Variants in ZFHX4 observed in about 807,000 individuals in gnomAD.
The protein encoded by ZFHX4 is zinc finger homeobox protein 4.
Under a neutral mutation model 267.6 loss-of-function variants are expected in ZFHX4, and 56 were observed. That is an observed-to-expected ratio of 0.21 (90% CI 0.17 to 0.26). The LOEUF (loss-of-function observed/expected upper bound fraction) is 0.26, where lower values mean the gene tolerates loss of function less well. Among genes scored for constraint, ZFHX4 ranks in the 10% least tolerant of loss-of-function variants. ZFHX4 has a pLI of 1.00. For synonymous variants in ZFHX4, 1,778 were observed against 1,665.6 expected (o/e 1.07, Z -1.64); for missense variants, 4,332 against 4,420.0 (o/e 0.98, Z 0.56).
intron 4 of ZFHX4, among the ~76,000 whole-genome samples, chr8:76,816,360 C>G (rs767340541): frequency 1.7e-4 from 26 of 152,144 alleles, no homozygotes; most frequent in Middle Eastern, 3.2e-3. Flanking sequence ...TCTCCCCTCT[C>G]CCACCAAGTT....
rs1238199168 is a variant in ZFHX4, at chr8:76,848,986, G to T, written c.3512-9G>T. On this transcript the variant is annotated splice_polypyrimidine_tract_variant and intron_variant, in intron 6 of 10. Coordinates refer to ENST00000651372, the MANE Select transcript of ZFHX4 (RefSeq NM_024721.5). ...TAAATTGAATTGTTCTATTCTTTTTGGGAATCAGGGATAATCACACCAGAG... is the reference window on the plus strand; with the variant it reads ...TAAATTGAATTGTTCTATTCTTTTTTGGAATCAGGGATAATCACACCAGAG... 6.6e-7 allele frequency: 1 copy of T among 1,504,808 alleles called. No homozygotes were observed. Among genetic ancestry groups the T allele is most frequent in the African/African-American group, 1.4e-5 (1 of 70,218 alleles). The allele number at this position is 1,504,808 out of a possible 1,614,324, so 93.2% of individuals were successfully genotyped here.
Position 76,705,248 on chromosome 8 carries a change from G to T in ZFHX4, c.1160G>T (p.Ser387Ile). ...TTTGCCTTCTTAAAAGGAAGCGCGA[G>T]CACCTCGAGCTCAGCAGAGCAGCCG... is the stretch of plus-strand genomic sequence containing the variant. Reference protein sequence around the residue: ...AGFAFLKGSASTSSSAEQPLG... With the variant: ...AGFAFLKGSAITSSSAEQPLG... The change falls in exon 2 of 11, where the codon AGC (serine) becomes ATC (isoleucine). Residue 387 changes from serine (S) to isoleucine (I), a missense_variant. Ser to Ile is a moderately radical substitution (Grantham distance 142). Transcript: ENST00000651372. 1.9e-6 allele frequency: 3 copies of T among 1,614,010 alleles called. No individual in the cohort carries two copies. The highest frequency in any genetic ancestry group is 2.5e-6 in the Non-Finnish European group (3 of 1,179,900).
intron 3 of ZFHX4, among the ~76,000 whole-genome samples, chr8:76,723,400 C>T (rs1468029839): frequency 6.6e-6 from 1 of 152,012 alleles, no homozygotes; most frequent in Non-Finnish European, 1.5e-5. Flanking sequence ...ACAGGTATCT[C>T]ATCTTAAATT....
intron 5 of ZFHX4, chr8:76,834,513 T>A (rs1182341274): frequency 6.3e-6 from 1 of 159,024 alleles, no homozygotes; most frequent in Non-Finnish European, 1.4e-5. Flanking sequence ...ATACATGTAA[T>A]CTTTCATATG....
rs1200384582 is a variant in ZFHX4 at position 76,852,697 on chromosome 8, G to A, written c.5776G>A (p.Glu1926Lys). ...FGFELVIQYN[E>K]NRQKVQKKGK... ...TTTTGAACTGGTCATTCAGTATAAC[G>A]AAAACAGGCAGAAGGTACAGAAGAA... The change falls in exon 10 of 11, where the codon GAA becomes AAA. Residue 1926 changes from glutamate to lysine, a missense_variant. Around this residue, in one of 7 missense-constraint regions of ZFHX4, gnomAD observed 1,371 missense variants for 1,423.1 expected, o/e 0.96. Coordinates refer to ENST00000651372, the MANE Select transcript of ZFHX4 (RefSeq NM_024721.5). 8 of 1,613,750 alleles carry A rather than the reference G, an allele frequency of 5.0e-6. No individual in the cohort carries two copies. The highest frequency in any genetic ancestry group is 2.2e-5 in the East Asian group (1 of 44,848).
chr8:76,836,879 A>G (rs760819606), intron 5 of ZFHX4, among the ~76,000 whole-genome samples: 2 of 152,144 alleles, frequency 1.3e-5, no homozygotes, highest in Admixed American at 6.6e-5. Context: ...TTCAGTATAC[A>G]TTAAGTATCT....
rs560723877 is a variant in ZFHX4 at position 76,863,231 on chromosome 8, C to T, written c.9517C>T (p.Pro3173Ser). Reference sequence around the variant, plus strand: ...TCCACCACCTCCTCCTCCTCCTCCTCCTTCATCCTCTCTGTCAGGACAGCA... The same window carrying T: ...TCCACCACCTCCTCCTCCTCCTCCTTCTTCATCCTCTCTGTCAGGACAGCA... ...PPPPPPPPPP[P>S]SSSLSGQQTE... is the part of the protein sequence containing the mutation. The change falls in exon 11 of 11, where the codon CCT becomes TCT. Residue 3173 changes from proline (P) to serine (S), a missense_variant. Physicochemically the swap from Pro to Ser is moderately conservative, Grantham distance 74 (BLOSUM62 -1). This residue lies in a region of ZFHX4 where 1,648 missense variants were observed against 1,625.0 expected (regional missense o/e 1.01). Coordinates refer to ENST00000651372, the MANE Select transcript of ZFHX4 (RefSeq NM_024721.5). 20 of 1,589,308 alleles carry T rather than the reference C, an allele frequency of 1.3e-5. No homozygotes were observed. The African/African-American group carries it at 2.4e-4, about 19-fold the overall frequency.
intron 1 of ZFHX4, among the ~76,000 whole-genome samples, chr8:76,689,632 T>A (rs1807776285): frequency 6.6e-6 from 1 of 152,142 alleles, no homozygotes; most frequent in African/African-American, 2.4e-5. Flanking sequence ...GTGATCTTGC[T>A]GGACTTGATG....
intron 3 of ZFHX4, among the ~76,000 whole-genome samples, chr8:76,769,885 G>A (rs1445200571): frequency 1.3e-5 from 2 of 152,030 alleles, no homozygotes; most frequent in Non-Finnish European, 2.9e-5. Context: ...ACTACTGTTT[G>A]TTCAAAGTAC....
chr8:76,684,548 T>A (rs1004293994), intron 1 of ZFHX4, among the ~76,000 whole-genome samples: 3 of 152,164 alleles, frequency 2.0e-5, no homozygotes, highest in African/African-American at 7.2e-5. Context: ...GAAGATAGGG[T>A]CAATGAAATA....
chr8:76,855,656 C>G lies in ZFHX4; in HGVS notation c.8735C>G (p.Pro2912Arg). 1 of 1,613,958 alleles carries G rather than the reference C, an allele frequency of 6.2e-7. No homozygotes were observed. The highest frequency in any genetic ancestry group is 8.5e-7 in the Non-Finnish European group (1 of 1,179,874). The change falls in exon 10 of 11, where the codon CCA becomes CGA. Residue 2912 changes from proline to arginine, a missense_variant. Pro to Arg is a moderately radical substitution (Grantham distance 103). This residue lies in a region of ZFHX4 where 1,648 missense variants were observed against 1,625.0 expected (regional missense o/e 1.01). Transcript: ENST00000651372. ...SSIADPSSPNPFGSSNPFKSK... is the reference protein window; with the variant it reads ...SSIADPSSPNRFGSSNPFKSK... ...ATAGCGGACCCGAGCTCCCCAAATC[C>G]ATTCGGATCCAGCAATCCCTTTAAA...
At chr8:76,712,928 A>C (rs1270967053) in intron 3 of ZFHX4, among the ~76,000 whole-genome samples, 1 of 152,200 alleles carries the variant, frequency 6.6e-6, no homozygotes, top group Non-Finnish European at 1.5e-5. Flanking sequence ...TTGAAAAAAA[A>C]CAGTTTCTCT....
At chr8:76,749,287 G>GT (rs1381795260) in intron 3 of ZFHX4, among the ~76,000 whole-genome samples, 12 of 152,278 alleles carry the variant, frequency 7.9e-5, no homozygotes, top group Middle Eastern at 3.4e-3. Context: ...TGTCCCAGCT[G>GT]TCTGACAATA....
chr8:76,781,861 G>T (rs1157000558), intron 4 of ZFHX4, among the ~76,000 whole-genome samples: 2 of 151,976 alleles, frequency 1.3e-5, no homozygotes, highest in Non-Finnish European at 2.9e-5. Context: ...CAAGCACCTT[G>T]GTTCCTAGCT....
chr8:76,778,492 C>A, intron 4 of ZFHX4, 53 bp downstream of exon 4: 5 of 938,974 alleles, frequency 5.3e-6, no homozygotes, highest in South Asian at 1.5e-5. Flanking sequence ...ACCACTTCAT[C>A]ACACACACAC....
At chr8:76,719,637 G>A (rs1808667886) in intron 3 of ZFHX4, among the ~76,000 whole-genome samples, 1 of 151,890 alleles carries the variant, frequency 6.6e-6, no homozygotes, top group South Asian at 2.1e-4. Flanking sequence ...TGAAATTACT[G>A]TCTACCTAAT....
chr8:76,807,811 A>G (rs1004218082), intron 4 of ZFHX4, among the ~76,000 whole-genome samples: 1 of 152,168 alleles, frequency 6.6e-6, no homozygotes, highest in Non-Finnish European at 1.5e-5. Context: ...TAGTGGCAAT[A>G]AAGACACAAC....
Position 76,854,243 on chromosome 8 carries a change from C to T in ZFHX4, c.7322C>T (p.Ala2441Val), listed in dbSNP as rs1812638737. ...TCGACTTCCTCGGACCCACCACAGG[C>T]ATCCACAGCCCAGCCACAGCCACAG... The part of the protein sequence containing the change: ...LASTSSDPPQ[A>V]STAQPQPQPQ... Residue 2441 changes from alanine to valine, a missense_variant, in exon 10 of 11, where the codon GCA (alanine) becomes GTA (valine). Coordinates refer to ENST00000651372, the MANE Select transcript of ZFHX4 (RefSeq NM_024721.5). 5.1e-6 allele frequency: 8 copies of T among 1,569,920 alleles called. No homozygotes were observed. The African/African-American group carries it at 1.1e-4, about 21-fold the overall frequency.
At chr8:76,730,493 G>T (rs1808975123) in intron 3 of ZFHX4, among the ~76,000 whole-genome samples, 1 of 152,172 alleles carries the variant, frequency 6.6e-6, no homozygotes, top group African/African-American at 2.4e-5. Flanking sequence ...TTGAGGTCAG[G>T]AGTTCAAGAC....
Sources: gnomAD v4.1 joint callset for allele counts (sites outside exome capture counted in the v4.1 genomes callset) on GRCh38, gnomAD v4.1.1 for gene constraint, gnomAD v4.1.1 regional missense constraint, MANE v1.5 for transcripts, NCBI Gene and HGNC (gene_info 2026-07-23, HGNC 2026-07-21) for gene names.